REG4: variants seen among roughly 807,000 people sequenced by gnomAD.
REG4 encodes regenerating islet-derived protein 4.
Under a neutral mutation model 22.3 loss-of-function variants are expected in REG4, and 16 were observed. The ratio of observed to expected loss-of-function variants is 0.72; its 90% CI spans 0.49 to 1.09. The LOEUF is 1.09. Among genes scored for constraint, REG4 ranks in the 50% least tolerant of loss-of-function variants. The pLI, the probability that REG4 is intolerant of heterozygous loss-of-function variation, is 0.00. For missense variants in REG4, 214 were observed against 193.9 expected (o/e 1.10, Z -0.61); for synonymous variants, 71 against 69.2 (o/e 1.03, Z -0.13).
At chr1:119,799,891 A>T (rs202110610) in intron 3 of REG4, 29 bp from the exon 4 acceptor site, 1 of 1,611,970 alleles carries the variant, frequency 6.2e-7, no homozygotes. Flanking sequence ...CCTGTTAATT[A>T]TGCCTGCATG....
chr1:119,805,654 C>A (rs1202112695), intron 2 of REG4, among the ~76,000 whole-genome samples: 1 of 152,036 alleles, frequency 6.6e-6, no homozygotes, highest in Non-Finnish European at 1.5e-5. Context: ...CTCTGTCTTA[C>A]CATCTCTCTG....
chr1:119,794,198 TG>T lies in REG4; in HGVS notation c.*419del. The T allele has an allele frequency of 1.9e-6, 1 of 536,338 alleles. No homozygotes were observed. Among genetic ancestry groups the T allele is most frequent in the South Asian group, 1.4e-5 (1 of 71,590 alleles). 33.2% of individuals were successfully genotyped at this position (536,338 alleles called of 1,614,324 possible). A position where few individuals can be genotyped will look rare whatever the true frequency, so the allele number is the denominator to read the frequency against. On this transcript the variant is annotated 3_prime_UTR_variant, in exon 6 of 6. Coordinates refer to ENST00000256585, the MANE Select transcript of REG4 (RefSeq NM_032044.4). ...GAAAAACAAGCAGGAGTTGAGTGGC[TG>T]GGGTGGGGTGCAGGCAATGGAGAGA...
chr1:119,799,301 T>G (rs7525506), intron 4 of REG4, among the ~76,000 whole-genome samples: 1 of 151,260 alleles, frequency 6.6e-6, no homozygotes, highest in Non-Finnish European at 1.5e-5. Context: ...AAGGATAACA[T>G]AAAAAAAATT....
intron 5 of REG4, among the ~76,000 whole-genome samples, chr1:119,795,852 C>T (rs995819597): frequency 6.6e-6 from 1 of 152,248 alleles, no homozygotes; most frequent in Non-Finnish European, 1.5e-5. Flanking sequence ...CGGCACAAGG[C>T]CATGGGCCAG....
Position 119,806,767 on chromosome 1 carries a change from T to C in REG4, c.67+1936A>G, listed in dbSNP as rs115564161. On this transcript the variant is annotated intron_variant, in intron 2 of 5. Transcript: ENST00000256585. ...TGCAGTATCAAGAGGTTTCAGCTTC[T>C]AGCATCTTGCCTGGACTACTCCAAT... Among the ~76,000 whole-genome samples the C allele has an allele frequency of 1.7e-3, 256 of 152,352 alleles. 1 individual carries two copies. The highest frequency in any genetic ancestry group is 6.0e-3 in the African/African-American group (251 of 41,576).
intron 3 of REG4, 44 bp downstream of exon 3, chr1:119,803,024 T>C: frequency 6.2e-7 from 1 of 1,611,808 alleles, no homozygotes; most frequent in Non-Finnish European, 8.5e-7. Context: ...TGGCTGGTCC[T>C]TTGCTCTAGA....
At chr1:119,797,444 A>G (rs188560873) in intron 5 of REG4, among the ~76,000 whole-genome samples, 57 of 152,106 alleles carry the variant, frequency 3.7e-4, no homozygotes, top group Middle Eastern at 3.4e-3. Flanking sequence ...TCCTTCTTAT[A>G]AGTTTATTCC....
intron 5 of REG4, among the ~76,000 whole-genome samples, chr1:119,797,592 G>C (rs998935958): frequency 3.3e-5 from 5 of 152,180 alleles, no homozygotes; most frequent in African/African-American, 1.2e-4. Context: ...GTGTCACTAT[G>C]ATGGCCTATT....
intron 2 of REG4, 63 bp downstream of exon 2, chr1:119,808,640 G>C (rs1023537323): frequency 8.7e-7 from 1 of 1,144,996 alleles, no homozygotes; most frequent in African/African-American, 1.5e-5. Flanking sequence ...ATGGATGACT[G>C]TCTCACATGG....
At chr1:119,797,103 T>TAC (rs1425343958) in intron 5 of REG4, among the ~76,000 whole-genome samples, 2 of 152,238 alleles carry the variant, frequency 1.3e-5, no homozygotes, top group Non-Finnish European at 2.9e-5. Context: ...CAATAACAAC[T>TAC]ACAATGTCCA....
chr1:119,809,454 A>G (rs1654430909), intron 1 of REG4, among the ~76,000 whole-genome samples: 1 of 152,226 alleles, frequency 6.6e-6, no homozygotes, highest in Admixed American at 6.5e-5. Context: ...TTAGCAAACA[A>G]CACATGAGCT....
intron 2 of REG4, 59 bp from the exon 3 acceptor site, chr1:119,803,224 C>A: frequency 6.8e-7 from 1 of 1,470,950 alleles, no homozygotes. Context: ...AATTCCCAGA[C>A]TTGATACAGT....
chr1:119,803,503 G>A (rs968192164), intron 2 of REG4, among the ~76,000 whole-genome samples: 3 of 152,160 alleles, frequency 2.0e-5, no homozygotes, highest in Admixed American at 6.5e-5. Context: ...CTCACAGTGG[G>A]TCCAGTGAGT....
In REG4 at chr1:119,802,353, G is replaced by A. The variant is rs1401679368; in HGVS notation, c.165+715C>T. On this transcript the variant is annotated intron_variant, in intron 3 of 5. Coordinates refer to ENST00000256585, the MANE Select transcript of REG4 (RefSeq NM_032044.4). Reference sequence around the variant, plus strand: ...TAGCCTCAGTAGCTGGCATGTGGTAGGTGCTTCGTTCTTGTTTTTTTGTTT... The same window carrying A: ...TAGCCTCAGTAGCTGGCATGTGGTAAGTGCTTCGTTCTTGTTTTTTTGTTT... The A allele has an allele frequency of 5.1e-6, 5 of 985,974 alleles. No homozygotes were observed. In the Admixed American group the frequency reaches 2.5e-4, roughly 48 times the overall value. 61.1% of individuals were successfully genotyped at this position (985,974 alleles called of 1,614,324 possible).
intron 5 of REG4, among the ~76,000 whole-genome samples, chr1:119,796,762 G>A (rs893490298): frequency 6.6e-6 from 1 of 152,186 alleles, no homozygotes; most frequent in Non-Finnish European, 1.5e-5. Flanking sequence ...ACCCAAAGAC[G>A]TGCTGTTCTC....
intron 3 of REG4, chr1:119,801,649 T>A (rs1654103750): frequency 6.6e-6 from 1 of 152,290 alleles, no homozygotes; most frequent in African/African-American, 2.4e-5. Flanking sequence ...GTTGCCTCCA[T>A]CAGCTTCCAG....
At chr1:119,806,852 T>G (rs1654336583) in intron 2 of REG4, among the ~76,000 whole-genome samples, 1 of 152,270 alleles carries the variant, frequency 6.6e-6, no homozygotes, top group South Asian at 2.1e-4. Flanking sequence ...TTAATCTCTT[T>G]CAGCTTTACT....
In REG4 at chr1:119,802,532, T is replaced by G. The variant is rs184609027; in HGVS notation, c.165+536A>C. On this transcript the variant is annotated intron_variant, in intron 3 of 5. Coordinates refer to ENST00000256585, the MANE Select transcript of REG4 (RefSeq NM_032044.4). ...CCATATGTGGCTGAGATAACTTACTTTGACTGTCTATTTGGTTATCTCTCA... is the reference window on the plus strand; with the variant it reads ...CCATATGTGGCTGAGATAACTTACTGTGACTGTCTATTTGGTTATCTCTCA... The G allele has an allele frequency of 2.7e-5, 30 of 1,094,208 alleles. No homozygotes were observed. The African/African-American group carries it at 4.4e-4, about 16-fold the overall frequency. The allele number at this position is 1,094,208 out of a possible 1,614,324, so 67.8% of individuals were successfully genotyped here.
At chr1:119,801,518 G>C (rs936404416) in intron 3 of REG4, 2 of 152,234 alleles carry the variant, frequency 1.3e-5, no homozygotes, top group Non-Finnish European at 2.9e-5. Context: ...AGGTTTGGAG[G>C]CTTGAAGTAT....
Sources: gnomAD v4.1 joint callset for allele counts (sites outside exome capture counted in the v4.1 genomes callset) on GRCh38, gnomAD v4.1.1 for gene constraint, MANE v1.5 for transcripts, NCBI Gene and HGNC (gene_info 2026-07-23, HGNC 2026-07-21) for gene names.